TMPO: variants seen among roughly 807,000 people sequenced by gnomAD.
The protein encoded by TMPO is LEM domain containing 4.
TMPO carries 22 observed loss-of-function variants against 45.4 expected under a neutral mutation model. The ratio of observed to expected loss-of-function variants is 0.48; its 90% CI spans 0.35 to 0.69. The LOEUF is 0.69. Ranked by LOEUF, TMPO falls within the 30% of genes least tolerant of loss-of-function variation. The pLI is 0.01. For synonymous variants in TMPO, 241 were observed against 204.1 expected, an observed-to-expected ratio of 1.18 and a Z score of -1.54; for missense variants, 512 against 548.8, an observed-to-expected ratio of 0.93 and a Z score of 0.67.
intron 4 of TMPO, among the ~76,000 whole-genome samples, chr12:98,537,977 A>T (rs957061604): frequency 3.3e-5 from 5 of 152,200 alleles, no homozygotes; most frequent in Non-Finnish European, 7.3e-5. Context: ...GTCTTCTGCG[A>T]TTCTTTCCTA....
At chr12:98,522,037 T>C (rs73136487) in intron 1 of TMPO, among the ~76,000 whole-genome samples, 32 of 151,986 alleles carry the variant, frequency 2.1e-4, no homozygotes, top group Non-Finnish European at 3.4e-4. Flanking sequence ...TCTGTGTGTT[T>C]GTTTGTTTTT....
intron 7 of TMPO, 73 bp from the exon 8 acceptor site, chr12:98,546,286 A>G (rs1378928338): frequency 2.0e-6 from 2 of 991,184 alleles, no homozygotes; most frequent in Non-Finnish European, 3.3e-6. Flanking sequence ...AAAACTTACT[A>G]TTTATGTTTT....
At chr12:98,531,516 T>G (rs1008693517) in intron 2 of TMPO, among the ~76,000 whole-genome samples, 164 bp from the exon 3 acceptor site, 1 of 152,042 alleles carries the variant, frequency 6.6e-6, no homozygotes, top group African/African-American at 2.4e-5. Flanking sequence ...TTTACAGTCG[T>G]GAGCCACTAT....
Position 98,515,724 on chromosome 12 carries a change from G to A in TMPO, c.-144G>A. 1 of 1,513,748 alleles carries A rather than the reference G, an allele frequency of 6.6e-7. No homozygotes were observed. Among genetic ancestry groups the A allele is most frequent in the Non-Finnish European group, 8.9e-7 (1 of 1,128,970 alleles). 93.8% of individuals were successfully genotyped at this position (1,513,748 alleles called of 1,614,324 possible). On this transcript the variant is annotated 5_prime_UTR_variant, in exon 1 of 9. Coordinates refer to ENST00000556029, the MANE Select transcript of TMPO (RefSeq NM_001032283.3). ...GTCTGGCTTGGCTTTGTGTCCGCGA[G>A]TTTTTGTTCCGCTCCGCAGCGCTCT...
chr12:98,520,481 A>G (rs2061459569), intron 1 of TMPO, among the ~76,000 whole-genome samples: 1 of 150,588 alleles, frequency 6.6e-6, no homozygotes, highest in Admixed American at 6.7e-5. Context: ...TAATTTTTGT[A>G]TTTTTAGTAG....
At chr12:98,524,791 A>G (rs749462713) in intron 1 of TMPO, among the ~76,000 whole-genome samples, 1 of 151,852 alleles carries the variant, frequency 6.6e-6, no homozygotes, top group Non-Finnish European at 1.5e-5. Context: ...ACGGGGTTTC[A>G]CCGTGTTGGC....
intron 3 of TMPO, chr12:98,532,215 A>G: frequency 5.2e-6 from 1 of 193,036 alleles, no homozygotes; most frequent in Non-Finnish European, 1.1e-5. Context: ...TATATTTCAC[A>G]TACACATCTG....
intron 3 of TMPO, chr12:98,535,539 G>A: frequency 1.0e-6 from 1 of 985,282 alleles, no homozygotes; most frequent in African/African-American, 1.7e-5. Context: ...AAATGTACAT[G>A]TATACATGTA....
chr12:98,533,656 C>T (rs1877364999), intron 3 of TMPO: 2 of 1,614,188 alleles, frequency 1.2e-6, no homozygotes, highest in Non-Finnish European at 1.7e-6. Flanking sequence ...TGTTGTCTCT[C>T]ATTCACTCAC....
At chr12:98,545,863 G>T (rs1878200937) in intron 7 of TMPO, among the ~76,000 whole-genome samples, 1 of 152,082 alleles carries the variant, frequency 6.6e-6, no homozygotes, top group Non-Finnish European at 1.5e-5. Flanking sequence ...CTCCTGAGTA[G>T]CTGGGATTAC....
intron 1 of TMPO, among the ~76,000 whole-genome samples, chr12:98,518,595 T>G (rs1275387406): frequency 1.3e-5 from 2 of 151,782 alleles, no homozygotes; most frequent in Non-Finnish European, 1.5e-5. Context: ...GATGATTTCT[T>G]TTACACAGAA....
intron 8 of TMPO, 39 bp downstream of exon 8, chr12:98,546,486 G>C: frequency 7.4e-7 from 1 of 1,352,266 alleles, no homozygotes; most frequent in Non-Finnish European, 1.1e-6. Context: ...GTGTATTCTA[G>C]TAGGGAATCT....
At chr12:98,523,875 C>T (rs192539244) in intron 1 of TMPO, among the ~76,000 whole-genome samples, 8 of 152,024 alleles carry the variant, frequency 5.3e-5, no homozygotes, top group Non-Finnish European at 8.8e-5. Context: ...GGGGTTTCAC[C>T]GTGTTGGCCA....
intron 1 of TMPO, 163 bp from the exon 2 acceptor site, chr12:98,527,723 G>C (rs1359541463): frequency 1.4e-6 from 1 of 700,240 alleles, no homozygotes. Flanking sequence ...CTTAGAAAGT[G>C]TTCTCCAATA....
At chr12:98,528,165 AGT>A (rs1265444129) in intron 2 of TMPO, among the ~76,000 whole-genome samples, 153 bp downstream of exon 2, 1 of 151,982 alleles carries the variant, frequency 6.6e-6, no homozygotes, top group East Asian at 1.9e-4. Flanking sequence ...ACTGTAAATG[AGT>A]GAAATAAAAT....
Position 98,548,689 on chromosome 12 carries a change from G to A in TMPO, c.*831G>A, listed in dbSNP as rs1592959688. The A allele has an allele frequency of 6.6e-6, 1 of 152,198 alleles. No individual in the cohort carries two copies. Among genetic ancestry groups the A allele is most frequent in the African/African-American group, 2.4e-5 (1 of 41,466 alleles). The allele number at this position is 152,198 out of a possible 1,614,324, so 9.4% of individuals were successfully genotyped here. On this transcript the variant is annotated 3_prime_UTR_variant, in exon 9 of 9. Coordinates refer to ENST00000556029, the MANE Select transcript of TMPO (RefSeq NM_001032283.3). Reference sequence around the variant, plus strand: ...CAAAATATGTTTTAGATAAGTGTGTGTATGTTTGTTTAGAAGTTAGAAATT... The same window carrying A: ...CAAAATATGTTTTAGATAAGTGTGTATATGTTTGTTTAGAAGTTAGAAATT...
At position 98,542,477 on chromosome 12, in the gene TMPO, C is replaced by T. The variant is rs576520665; in HGVS notation, c.664-1753C>T. 4.7e-5 allele frequency among the ~76,000 whole-genome samples: 7 copies of T among 148,396 alleles called. No homozygotes were observed. In the South Asian group the frequency reaches 1.3e-3, roughly 27 times the overall value. On this transcript the variant is annotated intron_variant, in intron 4 of 8. Transcript: ENST00000556029. ...TTTTTTTTTTTTTTTTAAAGCTCTCCTTGATGGTACTGTGCCACAAGGATT... is the reference window on the plus strand; with the variant it reads ...TTTTTTTTTTTTTTTTAAAGCTCTCTTTGATGGTACTGTGCCACAAGGATT...
chr12:98,531,995 T>G (rs750060398), intron 3 of TMPO, 157 bp downstream of exon 3: 1 of 636,610 alleles, frequency 1.6e-6, no homozygotes, highest in Non-Finnish European at 2.7e-6. Flanking sequence ...AAATACTTTT[T>G]ATTGAAAATT....
intron 4 of TMPO, among the ~76,000 whole-genome samples, chr12:98,542,532 C>T (rs772453556): frequency 1.3e-4 from 20 of 151,366 alleles, no homozygotes; most frequent in Admixed American, 5.9e-4. Flanking sequence ...ACTACCTTTC[C>T]GTCTATTCAA....
Sources: gnomAD v4.1 joint callset for allele counts (sites outside exome capture counted in the v4.1 genomes callset) on GRCh38, gnomAD v4.1.1 for gene constraint, MANE v1.5 for transcripts, NCBI Gene and HGNC (gene_info 2026-07-23, HGNC 2026-07-21) for gene names.